The following SFTPD variants were observed in gnomAD, a reference collection of about 807,000 sequenced individuals.
The protein encoded by SFTPD is surfactant protein D, also known as pulmonary surfactant-associated protein D.
A neutral mutation model predicts 34.6 loss-of-function variants in SFTPD; 18 were observed. The ratio of observed to expected loss-of-function variants is 0.52; its 90% CI spans 0.36 to 0.77. SFTPD has a LOEUF of 0.77. Ranked by LOEUF, SFTPD falls within the 30% of genes least tolerant of loss-of-function variation. SFTPD has a pLI of 0.00. For synonymous variants in SFTPD, 155 were observed against 180.9 expected (o/e 0.86, Z 1.15); for missense variants, 433 against 468.9 (o/e 0.92, Z 0.71).
upstream of SFTPD, among the ~76,000 whole-genome samples, chr10:79,952,485 C>A (rs1243823748): frequency 6.6e-6 from 1 of 152,182 alleles, no homozygotes; most frequent in East Asian, 1.9e-4. Flanking sequence ...CTGGGAGGGG[C>A]ACAGCCAGCC....
In SFTPD at chr10:79,946,799, G is replaced by A. The variant is rs1842670588; in HGVS notation, c.-3-137C>T. 3 of 763,500 alleles carry A rather than the reference G, an allele frequency of 3.9e-6. No homozygotes were observed. In the South Asian group the frequency reaches 5.3e-5, roughly 14 times the overall value. The allele number at this position is 763,500 out of a possible 1,614,324, so 47.3% of individuals were successfully genotyped here. On this transcript the variant is annotated intron_variant, in intron 1 of 7. Transcript: ENST00000372292. ...TCTGCTATGGGGCCTAGAGCAGCAG[G>A]AATCCAAAAGCAGTTTAAGGACAAG... is the stretch of plus-strand genomic sequence containing the variant.
intron 1 of SFTPD, among the ~76,000 whole-genome samples, 187 bp downstream of exon 1, chr10:79,948,879 G>C (rs559353160): frequency 2.2e-4 from 33 of 152,258 alleles, no homozygotes; most frequent in Admixed American, 1.8e-3. Flanking sequence ...CTGGGCTGAG[G>C]CCACTGAATA....
chr10:79,970,840 T>G (rs1375796485), intron 1 of SFTPD: 2 of 152,192 alleles, frequency 1.3e-5, no homozygotes, highest in African/African-American at 2.4e-5. Flanking sequence ...CTTTCCAATT[T>G]GGATGTCTTT....
chr10:79,965,443 T>C (rs1842797841), intron 1 of SFTPD, among the ~76,000 whole-genome samples: 1 of 151,556 alleles, frequency 6.6e-6, no homozygotes, highest in Non-Finnish European at 1.5e-5. Flanking sequence ...CTAATCCCGC[T>C]CGAAGCAGCC....
intron 1 of SFTPD, among the ~76,000 whole-genome samples, chr10:79,974,757 A>G (rs1417530776): frequency 6.6e-6 from 1 of 152,216 alleles, no homozygotes; most frequent in African/African-American, 2.4e-5. Flanking sequence ...TTGAAAGAGG[A>G]GGAGTCTTTT....
chr10:79,958,533 A>G (rs1842753299), intron 1 of SFTPD, among the ~76,000 whole-genome samples: 1 of 152,238 alleles, frequency 6.6e-6, no homozygotes, highest in Admixed American at 6.5e-5. Context: ...AACAAAGATC[A>G]AAAGAGACAA....
At chr10:79,978,724 A>G (rs1293186498) in intron 1 of SFTPD, among the ~76,000 whole-genome samples, 1 of 151,876 alleles carries the variant, frequency 6.6e-6, no homozygotes, top group Non-Finnish European at 1.5e-5. Context: ...TTATATGACA[A>G]ATCTACAGGT....
chr10:79,941,322 C>T (rs1376884046), intron 6 of SFTPD, 76 bp downstream of exon 6: 1 of 1,297,774 alleles, frequency 7.7e-7, no homozygotes, highest in East Asian at 2.3e-5. Context: ...AGCCCCTCCT[C>T]TGGGATGAGG....
At chr10:79,976,290 CT>C (rs915854020) in intron 1 of SFTPD, among the ~76,000 whole-genome samples, 1 of 152,208 alleles carries the variant, frequency 6.6e-6, no homozygotes, top group Non-Finnish European at 1.5e-5. Flanking sequence ...TGGAGTTCAG[CT>C]GGTTTTGTGG....
chr10:79,962,257 G>T (rs1038992842), intron 1 of SFTPD, among the ~76,000 whole-genome samples: 20 of 150,946 alleles, frequency 1.3e-4, no homozygotes, highest in African/African-American at 4.6e-4. Flanking sequence ...TAACAAACCT[G>T]CACATTGTGC....
Position 79,938,056 on chromosome 10 carries a change from G to C in SFTPD, c.924C>G (p.Asn308Lys). 1 of 1,614,130 alleles carries C rather than the reference G, an allele frequency of 6.2e-7. No homozygotes were observed. The highest frequency in any genetic ancestry group is 8.5e-7 in the Non-Finnish European group (1 of 1,179,980). The change falls in exon 8 of 8, where the codon AAC (asparagine) becomes AAG (lysine). Residue 308 changes from asparagine to lysine, a missense_variant. Coordinates refer to ENST00000372292, the MANE Select transcript of SFTPD (RefSeq NM_003019.5). ...CAGTCATGCTCAGGAAAGCAGCCTC[G>C]TTCTTAGCTACGACCAGCTGTTGCA... ...AALQQLVVAKNEAAFLSMTDS... is the reference protein window; with the variant it reads ...AALQQLVVAKKEAAFLSMTDS...
chr10:79,953,168 GC>G (rs2132508366), upstream of SFTPD, among the ~76,000 whole-genome samples: 1 of 152,356 alleles, frequency 6.6e-6, no homozygotes, highest in East Asian at 1.9e-4. Context: ...TCTCTAGACA[GC>G]CATCTTGGGG....
upstream of SFTPD, among the ~76,000 whole-genome samples, chr10:79,952,196 T>C (rs1287041408): frequency 6.6e-6 from 1 of 152,194 alleles, no homozygotes; most frequent in African/African-American, 2.4e-5. Context: ...TGCTGCTCCA[T>C]ATGGGGAGGA....
intron 1 of SFTPD, chr10:79,971,219 T>C (rs1174426592): frequency 6.6e-6 from 1 of 152,204 alleles, no homozygotes. Flanking sequence ...CAATTGATTA[T>C]GGTGAATGAT....
chr10:79,956,544 C>G (rs897464859), intron 1 of SFTPD, among the ~76,000 whole-genome samples: 2 of 152,274 alleles, frequency 1.3e-5, no homozygotes, highest in African/African-American at 4.8e-5. Flanking sequence ...CACGGAGTCT[C>G]GCTGATTGCT....
In SFTPD at chr10:79,942,019, G is replaced by A. The variant is rs986547967; in HGVS notation, c.485C>T (p.Ala162Val). The change falls in exon 5 of 8, where the codon GCA becomes GTA. Residue 162 changes from alanine to valine, a missense_variant. Transcript: ENST00000372292. ...GACACCTCGCTCTCCCTTAGGGCCT[G>A]CGAGGCCTCTTGCCCCTGCCGAGCC... is the stretch of plus-strand genomic sequence containing the variant. ...MQGSAGARGL[A>V]GPKGERGVPG... 1.2e-6 allele frequency: 2 copies of A among 1,613,940 alleles called. No individual in the cohort carries two copies. The highest frequency in any genetic ancestry group is 1.7e-5 in the Admixed American group (1 of 59,990).
intron 1 of SFTPD, among the ~76,000 whole-genome samples, chr10:79,962,776 A>G (rs556789265): frequency 1.8e-4 from 28 of 152,286 alleles, no homozygotes; most frequent in African/African-American, 6.7e-4. Flanking sequence ...TTTCTTTTTA[A>G]CAATACGTTG....
At chr10:79,952,597 A>G (rs1885551), upstream of SFTPD, among the ~76,000 whole-genome samples, 22,274 of 152,066 alleles carry the variant, frequency 0.15, 2,068 homozygotes, top group East Asian at 0.41. Flanking sequence ...TTCTCCTAAG[A>G]GCTAGACTTC....
Position 79,943,969 on chromosome 10 carries a change from G to A in SFTPD, c.200-1090C>T, listed in dbSNP as rs530064203. On this transcript the variant is annotated intron_variant, in intron 2 of 7. Transcript: ENST00000372292. ...AGAGTGTTAGAGCCCACTTGTTCTT[G>A]GTACACAAACTATGGAGGCCATGAG... 1.0e-3 allele frequency among the ~76,000 whole-genome samples: 158 copies of A among 152,324 alleles called. No homozygotes were observed. The Middle Eastern group carries it at 0.024, about 23-fold the overall frequency.
Sources: allele counts gnomAD v4.1 joint callset (sites outside exome capture counted in the v4.1 genomes callset), GRCh38; gene constraint gnomAD v4.1.1; transcripts MANE v1.5; gene names NCBI Gene and HGNC (gene_info 2026-07-23, HGNC 2026-07-21).